Variants in SERINC2 observed in about 807,000 individuals in gnomAD.
SERINC2 encodes the protein tumor differentially expressed protein 2.
Under a neutral mutation model 54.2 loss-of-function variants are expected in SERINC2, and 56 were observed. The observed-to-expected ratio is 1.03, with a 90% CI of 0.83 to 1.29. The LOEUF (loss-of-function observed/expected upper bound fraction) is 1.29, where lower values mean the gene tolerates loss of function less well. Ranked by LOEUF, SERINC2 falls within the 50% of genes most tolerant of loss-of-function variation. The pLI, the probability that SERINC2 is intolerant of heterozygous loss-of-function variation, is 0.00. For missense variants in SERINC2, 614 were observed against 607.4 expected (o/e 1.01, Z -0.12); for synonymous variants, 272 against 253.1 (o/e 1.07, Z -0.71).
chr1:31,429,572 T>G (rs1641140812), intron 8 of SERINC2, 34 bp downstream of exon 8: 1 of 1,561,604 alleles, frequency 6.4e-7, no homozygotes, highest in South Asian at 1.2e-5. Context: ...GGAAGGATCA[T>G]GATTGAGGGC....
chr1:31,416,917 A>G (rs1640794422), intron 1 of SERINC2, among the ~76,000 whole-genome samples: 2 of 152,072 alleles, frequency 1.3e-5, no homozygotes, highest in East Asian at 3.9e-4. Flanking sequence ...ACGGGGTTTC[A>G]CCATGTTGGC....
intron 8 of SERINC2, among the ~76,000 whole-genome samples, chr1:31,431,028 G>A (rs1240206690): frequency 2.0e-5 from 3 of 152,084 alleles, no homozygotes; most frequent in African/African-American, 7.2e-5. Flanking sequence ...ATAAACATCT[G>A]TCTTCTTTGT....
At chr1:31,426,151 G>C in intron 5 of SERINC2, 1 of 510,926 alleles carries the variant, frequency 2.0e-6, no homozygotes, top group South Asian at 2.3e-5. Context: ...CTTGTTTGGG[G>C]GTTCCTGCAG....
intron 1 of SERINC2, among the ~76,000 whole-genome samples, chr1:31,418,293 A>C (rs919466135): frequency 4.6e-5 from 7 of 152,246 alleles, no homozygotes; most frequent in African/African-American, 1.4e-4. Flanking sequence ...TAATTCTGCT[A>C]TGAACATGGG....
intron 2 of SERINC2, 119 bp from the exon 3 acceptor site, chr1:31,424,564 C>T (rs1206150078): frequency 1.2e-6 from 1 of 801,820 alleles, no homozygotes; most frequent in South Asian, 1.9e-5. Flanking sequence ...TGGTCCAGCC[C>T]CTGCTGGGAG....
chr1:31,432,079 G>A lies in SERINC2; in HGVS notation c.1014-888G>A, dbSNP rs201204216. 1.2e-3 allele frequency among the ~76,000 whole-genome samples: 125 copies of A among 104,814 alleles called. 1 individual carries two copies. Among genetic ancestry groups the A allele is most frequent in the Non-Finnish European group, 1.4e-3 (70 of 51,794 alleles). The allele number at this position is 104,814 out of a possible 152,430, so 68.8% of individuals were successfully genotyped here. A position where few individuals can be genotyped will look rare whatever the true frequency, so the allele number is the denominator to read the frequency against. On this transcript the variant is annotated intron_variant, in intron 8 of 9. Transcript: ENST00000373709. ...GGACAGGGTGGACAGGGTGGACAGG[G>A]TGGTTAGGGTGGACAGGGTGGACAG...
chr1:31,426,014 G>A, intron 5 of SERINC2, 101 bp downstream of exon 5: 2 of 1,257,282 alleles, frequency 1.6e-6, no homozygotes, highest in South Asian at 1.4e-5. Flanking sequence ...AAACTGGGGG[G>A]CATCCCTAGC....
intron 1 of SERINC2, chr1:31,415,761 C>A: frequency 1.8e-6 from 1 of 542,438 alleles, no homozygotes; most frequent in Non-Finnish European, 2.4e-6. Flanking sequence ...GAGTGAAGTT[C>A]TATGTGGGGT....
At chr1:31,431,803 GAC>G (rs1641223805) in intron 8 of SERINC2, among the ~76,000 whole-genome samples, 4 of 142,240 alleles carry the variant, frequency 2.8e-5, no homozygotes, top group Admixed American at 6.9e-5. Context: ...GGATAGGGTG[GAC>G]AGGGTGGACA....
upstream of SERINC2, among the ~76,000 whole-genome samples, chr1:31,410,729 GC>G (rs1436275146): frequency 6.6e-6 from 1 of 152,292 alleles, no homozygotes; most frequent in Non-Finnish European, 1.5e-5. Flanking sequence ...GGGTGAAGTG[GC>G]CCCCCAAGGA....
At chr1:31,432,057 C>CAGGGTGGACAGGGTGGACAGGGTGGAT (rs1641271189) in intron 8 of SERINC2, among the ~76,000 whole-genome samples, 1 of 16,356 alleles carries the variant, frequency 6.1e-5, no homozygotes, top group African/African-American at 3.1e-4. Flanking sequence ...ACAGGGTGGA[C>CAGGGTGGACAGGGTGGACAGGGTGGAT]AGGGTGGACA....
intron 8 of SERINC2, among the ~76,000 whole-genome samples, chr1:31,431,772 G>A (rs1315628386): frequency 7.1e-6 from 1 of 140,834 alleles, no homozygotes; most frequent in African/African-American, 2.7e-5. Flanking sequence ...GGGTGGAGAG[G>A]GTGAATAGGG....
chr1:31,421,235 G>GT, intron 1 of SERINC2, among the ~76,000 whole-genome samples: 2 of 152,334 alleles, frequency 1.3e-5, no homozygotes, highest in Middle Eastern at 6.8e-3. Flanking sequence ...AGGTGGAACA[G>GT]TTTCATCCCA....
chr1:31,426,912 G>T, intron 6 of SERINC2, 89 bp downstream of exon 6: 1 of 1,259,082 alleles, frequency 7.9e-7, no homozygotes, highest in Non-Finnish European at 1.1e-6. Flanking sequence ...GGCTAGGGCT[G>T]TCATCACAGA....
rs1641400663 is a variant in SERINC2, at chr1:31,434,127, C to T, written c.1296C>T (p.Ser432=). 1.9e-6 allele frequency: 3 copies of T among 1,614,012 alleles called. No homozygotes were observed. The South Asian group carries it at 3.3e-5, about 18-fold the overall frequency. The change falls in exon 10 of 10, where the codon AGC becomes AGT. Residue 432 remains serine, a synonymous_variant. Coordinates refer to ENST00000373709, the MANE Select transcript of SERINC2 (RefSeq NM_178865.5). ...WTAVWVKICA[S]WAGLLLYLWT... Reference sequence around the variant, plus strand: ...CCGTGTGGGTGAAGATCTGTGCCAGCTGGGCAGGGCTGCTCCTCTACCTGT... The same window carrying T: ...CCGTGTGGGTGAAGATCTGTGCCAGTTGGGCAGGGCTGCTCCTCTACCTGT...
At chr1:31,414,588 G>C (rs782373983) in intron 1 of SERINC2, 260 of 985,564 alleles carry the variant, frequency 2.6e-4, no homozygotes, top group Non-Finnish European at 3.1e-4. Context: ...GCCTCATTAG[G>C]CCTCCATTTT....
rs1443147266 is a variant in SERINC2, at chr1:31,429,437, C to T, written c.912C>T (p.Asn304=). The change falls in exon 8 of 10, where the codon AAC becomes AAT. Residue 304 remains asparagine (N), a synonymous_variant. Transcript: ENST00000373709. The part of the protein sequence containing the change: ...CNPHLPTQLG[N]ETVVAGPEGY... ...CCCATTTGCCAACCCAGCTGGGCAA[C>T]GAGACAGTTGTGGCAGGCCCCGAGG... 1.2e-5 allele frequency: 20 copies of T among 1,613,742 alleles called. No homozygotes were observed. Among genetic ancestry groups the T allele is most frequent in the East Asian group, 2.2e-5 (1 of 44,896 alleles).
At chr1:31,423,966 T>C (rs1243657788) in intron 2 of SERINC2, 112 bp downstream of exon 2, 1 of 988,828 alleles carries the variant, frequency 1.0e-6, no homozygotes, top group Non-Finnish European at 1.5e-6. Context: ...GCAGGGTGTT[T>C]GGGTGCACTG....
Position 31,426,897 on chromosome 1 carries a change from C to T in SERINC2, c.780+74C>T, listed in dbSNP as rs559636063. ...TGGGACTTCTTGTAGGAACCTGGGT[C>T]CTGGGGCTAGGGCTGTCATCACAGA... On this transcript the variant is annotated intron_variant, in intron 6 of 9. Transcript: ENST00000373709. The T allele has an allele frequency of 7.1e-4, 1,009 of 1,416,608 alleles. 1 individual carries two copies. Among genetic ancestry groups the T allele is most frequent in the Admixed American group, 1.1e-3 (61 of 55,666 alleles). 87.8% of individuals were successfully genotyped at this position (1,416,608 alleles called of 1,614,324 possible).
Sources: gnomAD v4.1 joint callset for allele counts (sites outside exome capture counted in the v4.1 genomes callset) on GRCh38, gnomAD v4.1.1 for gene constraint, MANE v1.5 for transcripts, NCBI Gene and HGNC (gene_info 2026-07-23, HGNC 2026-07-21) for gene names.